The following PCBP3 variants were observed in gnomAD, a reference collection of about 807,000 sequenced individuals.
PCBP3 encodes the protein poly(rC) binding protein 3.
In PCBP3, 25 loss-of-function variants were observed where a neutral mutation model predicts 52.7. That is an observed-to-expected ratio of 0.47 (90% CI 0.35 to 0.66). The LOEUF (loss-of-function observed/expected upper bound fraction) is 0.66. PCBP3 is among the 30% of genes least tolerant of loss of function. The pLI is 0.01. For missense variants in PCBP3, 391 were observed against 490.3 expected (o/e 0.80, Z 1.91); for synonymous variants, 162 against 183.0 (o/e 0.89, Z 0.93).
intron 13 of PCBP3, among the ~76,000 whole-genome samples, chr21:45,923,567 C>G (rs978667645): frequency 6.6e-6 from 1 of 152,164 alleles, no homozygotes; most frequent in African/African-American, 2.4e-5. Context: ...TTACAGGACC[C>G]TCGGGCGACT....
chr21:45,877,677 A>G (rs2095298884), intron 5 of PCBP3, among the ~76,000 whole-genome samples: 1 of 152,108 alleles, frequency 6.6e-6, no homozygotes, highest in South Asian at 2.1e-4. Flanking sequence ...TGATGGTGGC[A>G]CGCCTGTAGT....
chr21:45,792,836 C>A (rs1007216697), intron 4 of PCBP3, among the ~76,000 whole-genome samples: 1 of 152,166 alleles, frequency 6.6e-6, no homozygotes, highest in Non-Finnish European at 1.5e-5. Flanking sequence ...AGCCAGGTAT[C>A]CCCCTCAAAC....
chr21:45,866,002 AG>A (rs2094709703), intron 5 of PCBP3, among the ~76,000 whole-genome samples: 1 of 152,234 alleles, frequency 6.6e-6, no homozygotes, highest in African/African-American at 2.4e-5. Context: ...CAGAGCCAGC[AG>A]GCTTGGCCTG....
At chr21:45,683,577 A>T (rs2081975486) in intron 2 of PCBP3, among the ~76,000 whole-genome samples, 1 of 152,232 alleles carries the variant, frequency 6.6e-6, no homozygotes. Context: ...GTCAGGATAG[A>T]GTTTTCCAGG....
At chr21:45,815,075 ATGG>A (rs1490569224) in intron 4 of PCBP3, among the ~76,000 whole-genome samples, 2 of 63,724 alleles carry the variant, frequency 3.1e-5, no homozygotes, top group Admixed American at 1.6e-4. Context: ...GTGATGAGTG[ATGG>A]GTGAGTGGTG....
At chr21:45,716,377 G>A (rs1363775743) in intron 2 of PCBP3, among the ~76,000 whole-genome samples, 2 of 152,118 alleles carry the variant, frequency 1.3e-5, no homozygotes, top group South Asian at 4.1e-4. Context: ...GTCTGCTAGG[G>A]CTGCCATAAC....
At chr21:45,882,132 T>C (rs2148798764) in intron 5 of PCBP3, among the ~76,000 whole-genome samples, 1 of 152,250 alleles carries the variant, frequency 6.6e-6, no homozygotes, top group East Asian at 1.9e-4. Flanking sequence ...ATGACTGTAC[T>C]AAGTTTCCCA....
intron 2 of PCBP3, among the ~76,000 whole-genome samples, chr21:45,686,276 A>G (rs142961297): frequency 2.0e-5 from 3 of 152,270 alleles, no homozygotes; most frequent in African/African-American, 4.8e-5. Context: ...AGTTTTGGCC[A>G]TCCAGAATGG....
chr21:45,853,043 G>A lies in PCBP3; in HGVS notation c.10+2948G>A, dbSNP rs974127764. Among the ~76,000 whole-genome samples the A allele has an allele frequency of 2.0e-5, 3 of 152,222 alleles. No individual in the cohort carries two copies. Among genetic ancestry groups the A allele is most frequent in the African/African-American group, 4.8e-5 (2 of 41,444 alleles). ...TCCCACAGCTGAGACCAGCAGGAGCGGGCAGTGGACTCGCACCAGGCATTG... is the reference window on the plus strand; with the variant it reads ...TCCCACAGCTGAGACCAGCAGGAGCAGGCAGTGGACTCGCACCAGGCATTG... On this transcript the variant is annotated intron_variant, in intron 5 of 17. Transcript: ENST00000681687. The surrounding 1 kb of genome is among the most constrained non-coding windows in gnomAD (Gnocchi z 4.6).
At chr21:45,814,990 TGAGTGGTG>T (rs2092837899) in intron 4 of PCBP3, among the ~76,000 whole-genome samples, 1 of 108,700 alleles carries the variant, frequency 9.2e-6, no homozygotes, top group Non-Finnish European at 1.9e-5. Context: ...GAGTGGTGAG[TGAGTGGTG>T]AGTGAGTGGT....
intron 1 of PCBP3, among the ~76,000 whole-genome samples, chr21:45,652,467 G>A (rs2079750660): frequency 1.4e-5 from 2 of 146,510 alleles, no homozygotes; most frequent in Non-Finnish European, 3.0e-5. Context: ...TTGAGACGGA[G>A]TCTTGCTCTG....
chr21:45,707,676 AT>A (rs2083543105), intron 2 of PCBP3, among the ~76,000 whole-genome samples: 1 of 152,218 alleles, frequency 6.6e-6, no homozygotes, highest in Non-Finnish European at 1.5e-5. Flanking sequence ...CATAATCAGA[AT>A]GATTCCAGAG....
chr21:45,779,008 G>A (rs549166200), intron 4 of PCBP3, among the ~76,000 whole-genome samples: 2 of 152,316 alleles, frequency 1.3e-5, no homozygotes, highest in East Asian at 3.9e-4. Flanking sequence ...CCCAGCCCTG[G>A]TGGCAGTAGG....
rs1000378761 is a variant in PCBP3 at position 45,928,168 on chromosome 21, G to A, written c.718-1749G>A. 3.3e-5 allele frequency among the ~76,000 whole-genome samples: 5 copies of A among 152,232 alleles called. No individual in the cohort carries two copies. The highest frequency in any genetic ancestry group is 3.9e-4 in the East Asian group (2 of 5,194). ...CCCCCGCAGGGCCTCGTGTATCTCC[G>A]GGAGGTAGACTGTCCCGGTGACTTC... On this transcript the variant is annotated intron_variant, in intron 13 of 17. Coordinates refer to ENST00000681687, the MANE Select transcript of PCBP3 (RefSeq NM_001384156.1). This position sits in a 1 kb window ranked among gnomAD's most constrained non-coding sequence, Gnocchi z 4.1.
chr21:45,931,044 G>T (rs2076113503), intron 15 of PCBP3, among the ~76,000 whole-genome samples, 199 bp downstream of exon 15: 1 of 152,242 alleles, frequency 6.6e-6, no homozygotes, highest in African/African-American at 2.4e-5. Context: ...GGTGCTCAGA[G>T]CAGGGCACCC....
rs541235080 is a variant in PCBP3, at chr21:45,651,988, G to A, written c.-279+8120G>A. On this transcript the variant is annotated intron_variant, in intron 1 of 17. Coordinates refer to ENST00000681687, the MANE Select transcript of PCBP3 (RefSeq NM_001384156.1). ...TGCAATATGGATTCTATTTATAGACGCATTTGTGTATGAGATCGCTCCTTT... is the reference window on the plus strand; with the variant it reads ...TGCAATATGGATTCTATTTATAGACACATTTGTGTATGAGATCGCTCCTTT... Among the ~76,000 whole-genome samples, 236 of 152,218 alleles carry A rather than the reference G, an allele frequency of 1.6e-3. 1 individual carries two copies. Among genetic ancestry groups the A allele is most frequent in the South Asian group, 4.8e-3 (23 of 4,818 alleles).
chr21:45,685,540 T>C (rs777464231), intron 2 of PCBP3, among the ~76,000 whole-genome samples: 2 of 151,886 alleles, frequency 1.3e-5, no homozygotes, highest in Non-Finnish European at 2.9e-5. Flanking sequence ...ACTGGAAAAA[T>C]ATATAAAACA....
intron 1 of PCBP3, among the ~76,000 whole-genome samples, chr21:45,661,295 C>G (rs896643307): frequency 2.6e-5 from 4 of 152,000 alleles, no homozygotes; most frequent in Admixed American, 2.6e-4. Context: ...TTCTCATTCC[C>G]CACCCCCTCT....
At chr21:45,742,665 T>C (rs1213266139) in intron 3 of PCBP3, among the ~76,000 whole-genome samples, 1 of 152,238 alleles carries the variant, frequency 6.6e-6, no homozygotes. Context: ...TTTTTTCTTA[T>C]ATTAGAAACA....
Sources: gnomAD v4.1 joint callset for allele counts (sites outside exome capture counted in the v4.1 genomes callset) on GRCh38, gnomAD v4.1.1 for gene constraint, Gnocchi (gnomAD v3.1) non-coding constraint, MANE v1.5 for transcripts, NCBI Gene and HGNC (gene_info 2026-07-23, HGNC 2026-07-21) for gene names.